Variants in RASA3 observed in about 807,000 individuals in gnomAD.
RASA3 encodes ras GTPase-activating protein 3.
Under a neutral mutation model 110.0 loss-of-function variants are expected in RASA3, and 73 were observed. The ratio of observed to expected loss-of-function variants is 0.66; its 90% CI spans 0.55 to 0.81. The LOEUF (loss-of-function observed/expected upper bound fraction) is 0.81, where lower values mean the gene tolerates loss of function less well. RASA3 is among the 30% of genes least tolerant of loss of function. The pLI, the probability that RASA3 is intolerant of heterozygous loss-of-function variation, is 0.00. For synonymous variants in RASA3, 500 were observed against 451.4 expected, an observed-to-expected ratio of 1.11 and a Z score of -1.37; for missense variants, 976 against 1,113.2, an observed-to-expected ratio of 0.88 and a Z score of 1.75.
Position 113,991,770 on chromosome 13 carries a change from G to A in RASA3, c.2245+715C>T, listed in dbSNP as rs376633926. On this transcript the variant is annotated intron_variant, in intron 22 of 23. Transcript: ENST00000334062. ...TGCTTTACAGAATTAGATGGCATGTGTGTACCCACATATATGCATGCTGAC... is the reference window on the plus strand; with the variant it reads ...TGCTTTACAGAATTAGATGGCATGTATGTACCCACATATATGCATGCTGAC... Among the ~76,000 whole-genome samples the A allele has an allele frequency of 5.9e-5, 9 of 152,350 alleles. No individual in the cohort carries two copies. In the South Asian group the frequency reaches 1.0e-3, roughly 18 times the overall value.
rs922222968 is a variant in RASA3, at chr13:114,112,741, C to T, written c.55+19694G>A. Among the ~76,000 whole-genome samples, 3 of 152,128 alleles carry T rather than the reference C, an allele frequency of 2.0e-5. No individual in the cohort carries two copies. The highest frequency in any genetic ancestry group is 3.4e-3 in the Middle Eastern group (1 of 294). On this transcript the variant is annotated intron_variant, in intron 1 of 23. Coordinates refer to ENST00000334062, the MANE Select transcript of RASA3 (RefSeq NM_007368.4). The surrounding 1 kb of genome is among the most constrained non-coding windows in gnomAD (Gnocchi z 4.8). ...CTCCTTTCCCACAGCCAAGGTGCCC[C>T]GACTGCCAGCGTCCACTCCCCGTGG...
At chr13:114,013,482 T>C (rs2053690640) in intron 14 of RASA3, among the ~76,000 whole-genome samples, 1 of 142,364 alleles carries the variant, frequency 7.0e-6, no homozygotes, top group Non-Finnish European at 1.6e-5. Context: ...TCTCTCTCCG[T>C]ATCTCTGTCT....
intron 23 of RASA3, 66 bp from the exon 24 acceptor site, chr13:113,979,488 C>T (rs539789724): frequency 1.7e-5 from 22 of 1,327,362 alleles, no homozygotes; most frequent in Admixed American, 1.5e-4. Context: ...CCCGTGGCTG[C>T]GGGAGCTTTT....
chr13:114,080,421 C>T (rs1443518103), intron 1 of RASA3, among the ~76,000 whole-genome samples: 1 of 152,182 alleles, frequency 6.6e-6, no homozygotes, highest in Admixed American at 6.5e-5. Flanking sequence ...AGGGGGTCTG[C>T]CTGTCGTCCA....
At chr13:114,030,650 G>C (rs1299876017) in intron 4 of RASA3, among the ~76,000 whole-genome samples, 1 of 152,242 alleles carries the variant, frequency 6.6e-6, no homozygotes, top group Non-Finnish European at 1.5e-5. Context: ...GTGTGCTGCT[G>C]TGTCCATCCA....
At chr13:114,120,746 C>T (rs2080365860) in intron 1 of RASA3, among the ~76,000 whole-genome samples, 1 of 152,254 alleles carries the variant, frequency 6.6e-6, no homozygotes, top group South Asian at 2.1e-4. Context: ...ATGGTCAGAA[C>T]CTACTGATCT....
intron 2 of RASA3, among the ~76,000 whole-genome samples, chr13:114,066,595 C>G (rs1471551549): frequency 2.0e-5 from 3 of 152,214 alleles, no homozygotes; most frequent in African/African-American, 7.2e-5. Flanking sequence ...AGGCCTGGGC[C>G]TGGGGCAGCC....
At chr13:114,067,777 C>T (rs1352878643) in intron 2 of RASA3, among the ~76,000 whole-genome samples, 1 of 152,136 alleles carries the variant, frequency 6.6e-6, no homozygotes, top group South Asian at 2.1e-4. Flanking sequence ...TCAGGGCTGC[C>T]AAGTGAGGGT....
chr13:114,129,758 G>C (rs9562071), intron 1 of RASA3, among the ~76,000 whole-genome samples: 120,810 of 152,150 alleles, frequency 0.79, 48,304 homozygotes, highest in Admixed American at 0.87. Context: ...TAATTGCCTG[G>C]CTTTTGCAAA....
At chr13:114,089,312 G>A (rs1207798200) in intron 1 of RASA3, among the ~76,000 whole-genome samples, 1 of 148,730 alleles carries the variant, frequency 6.7e-6, no homozygotes, top group Non-Finnish European at 1.5e-5. Context: ...GGGGGAGGAG[G>A]GGGGAGGGGG....
At chr13:114,123,031 TCC>T (rs1469643100) in intron 1 of RASA3, among the ~76,000 whole-genome samples, 1 of 152,164 alleles carries the variant, frequency 6.6e-6, no homozygotes, top group African/African-American at 2.4e-5. Context: ...CCTTCCTGGG[TCC>T]CTACACCCTG....
intron 2 of RASA3, among the ~76,000 whole-genome samples, chr13:114,059,973 G>A (rs982469251): frequency 6.6e-6 from 1 of 152,256 alleles, no homozygotes; most frequent in African/African-American, 2.4e-5. Context: ...CTGTGGCCTC[G>A]CTCGGGGGAC....
chr13:114,117,674 CGT>C (rs1221493307), intron 1 of RASA3, among the ~76,000 whole-genome samples: 5 of 96,124 alleles, frequency 5.2e-5, no homozygotes, highest in Admixed American at 1.3e-4. Flanking sequence ...GAGGGATGCA[CGT>C]GTGTGAGGGG....
At chr13:114,118,031 C>G (rs2080319294) in intron 1 of RASA3, among the ~76,000 whole-genome samples, 2 of 152,066 alleles carry the variant, frequency 1.3e-5, no homozygotes, top group African/African-American at 2.4e-5. Context: ...TCCGTGAGTG[C>G]ACGGGAACAG....
intron 1 of RASA3, among the ~76,000 whole-genome samples, chr13:114,090,786 A>T (rs2079881353): frequency 6.6e-6 from 1 of 152,226 alleles, no homozygotes; most frequent in Non-Finnish European, 1.5e-5. Context: ...ATGCGTAACA[A>T]AAAGAACGCC....
chr13:114,020,368 TG>T (rs2053900392), intron 9 of RASA3, among the ~76,000 whole-genome samples: 1 of 152,200 alleles, frequency 6.6e-6, no homozygotes. Context: ...TGGGGCTCTC[TG>T]GGGTATGTGG....
intron 1 of RASA3, among the ~76,000 whole-genome samples, chr13:114,105,033 C>T (rs1363024218): frequency 6.6e-6 from 1 of 152,168 alleles, no homozygotes; most frequent in East Asian, 1.9e-4. Flanking sequence ...GCCATAAACA[C>T]CCTTTGGCCA....
At chr13:114,119,544 C>G (rs1263078024) in intron 1 of RASA3, among the ~76,000 whole-genome samples, 2 of 120,016 alleles carry the variant, frequency 1.7e-5, no homozygotes, top group Non-Finnish European at 3.5e-5. Context: ...AGCCAGGCGT[C>G]GATCAGGGCC....
intron 20 of RASA3, among the ~76,000 whole-genome samples, chr13:113,998,762 C>T (rs2053314022): frequency 6.6e-6 from 1 of 152,214 alleles, no homozygotes; most frequent in Admixed American, 6.5e-5. Flanking sequence ...GGCCTGCACG[C>T]CTCAAAGATG....
Sources: gnomAD v4.1 joint callset for allele counts (sites outside exome capture counted in the v4.1 genomes callset) on GRCh38, gnomAD v4.1.1 for gene constraint, Gnocchi (gnomAD v3.1) non-coding constraint, MANE v1.5 for transcripts, NCBI Gene and HGNC (gene_info 2026-07-23, HGNC 2026-07-21) for gene names.